The following RGS7 variants were observed in gnomAD, a reference collection of about 807,000 sequenced individuals.
RGS7 encodes the protein regulator of G protein signaling 7, also known as regulator of G-protein signaling 7.
RGS7 carries 27 observed loss-of-function variants against 81.1 expected under a neutral mutation model. That is an observed-to-expected ratio of 0.33 (90% CI 0.25 to 0.46). RGS7 has a LOEUF of 0.46. Ranked by LOEUF, RGS7 falls within the 20% of genes least tolerant of loss-of-function variation. The pLI is 1.00. For synonymous variants in RGS7, 208 were observed against 207.7 expected, an observed-to-expected ratio of 1.00 and a Z score of -0.01; for missense variants, 396 against 607.4, an observed-to-expected ratio of 0.65 and a Z score of 3.66.
At chr1:241,091,594 T>TAAAA (rs554243570) in intron 3 of RGS7, among the ~76,000 whole-genome samples, 253 of 135,478 alleles carry the variant, frequency 1.9e-3, no homozygotes, top group Middle Eastern at 3.7e-3. Context: ...AATAAATAAA[T>TAAAA]AAAAAAGCTG....
intron 2 of RGS7, among the ~76,000 whole-genome samples, chr1:241,311,537 C>A (rs2080530281): frequency 6.6e-6 from 1 of 152,158 alleles, no homozygotes; most frequent in Non-Finnish European, 1.5e-5. Context: ...TTGTCTGAAG[C>A]TGGAGAGCTG....
rs549386246 is a variant in RGS7 at position 241,189,981 on chromosome 1, T to C, written c.79-91219A>G. Among the ~76,000 whole-genome samples, 375 of 152,212 alleles carry C rather than the reference T, an allele frequency of 2.5e-3. 4 individuals are homozygous for C. The highest frequency in any genetic ancestry group is 0.014 in the Admixed American group (218 of 15,294). ...AGCCGGGCGCGGTGGTGGGCACCTGTAGTCCCAGCTACTCGGGAGGCTGAG... is the reference window on the plus strand; with the variant it reads ...AGCCGGGCGCGGTGGTGGGCACCTGCAGTCCCAGCTACTCGGGAGGCTGAG... On this transcript the variant is annotated intron_variant, in intron 2 of 18. Transcript: ENST00000440928.
chr1:241,135,478 G>A (rs2067440951), intron 2 of RGS7, among the ~76,000 whole-genome samples: 1 of 152,084 alleles, frequency 6.6e-6, no homozygotes, highest in African/African-American at 2.4e-5. Context: ...ACACGGCCTC[G>A]TGTTGTCTGT....
intron 4 of RGS7, among the ~76,000 whole-genome samples, chr1:240,952,775 C>T (rs1043671127): frequency 2.0e-4 from 31 of 151,760 alleles, no homozygotes; most frequent in Non-Finnish European, 5.9e-5. Flanking sequence ...AGGAAAAAGA[C>T]CTGACTATAC....
intron 6 of RGS7, among the ~76,000 whole-genome samples, chr1:240,888,967 T>C (rs1667825097): frequency 6.6e-6 from 1 of 152,106 alleles, no homozygotes; most frequent in Non-Finnish European, 1.5e-5. Context: ...GTTTTTGTTT[T>C]GTTTTTGAGA....
chr1:241,002,342 A>T (rs2148633279), intron 3 of RGS7, among the ~76,000 whole-genome samples: 1 of 151,944 alleles, frequency 6.6e-6, no homozygotes, highest in Non-Finnish European at 1.5e-5. Context: ...AATCCCAGCT[A>T]CTTGGGAGGC....
intron 2 of RGS7, among the ~76,000 whole-genome samples, chr1:241,151,678 A>G (rs570290878): frequency 6.7e-6 from 1 of 150,156 alleles, no homozygotes; most frequent in East Asian, 2.0e-4. Context: ...TCAACCCATC[A>G]CCTGCAACAC....
chr1:240,884,827 C>A (rs368540707), intron 6 of RGS7, among the ~76,000 whole-genome samples: 38 of 152,264 alleles, frequency 2.5e-4, no homozygotes, highest in African/African-American at 8.7e-4. Flanking sequence ...GCAATACCAT[C>A]CTGGACACAG....
In RGS7 at chr1:241,295,176, C is replaced by G. The variant is rs11576577; in HGVS notation, c.78+60523G>C. The stretch of plus-strand genomic sequence containing the variant: ...AAATAGATATGTTTGCGGCCGGGTG[C>G]GGTGGCTCACGCCTGTAATCCCAGC... On this transcript the variant is annotated intron_variant, in intron 2 of 18. Transcript: ENST00000440928. 4.2e-4 allele frequency among the ~76,000 whole-genome samples: 64 copies of G among 152,072 alleles called. No individual in the cohort carries two copies. The South Asian group carries it at 0.013, about 31-fold the overall frequency.
At chr1:240,826,055 T>A (rs890456692) in intron 10 of RGS7, among the ~76,000 whole-genome samples, 5 of 152,186 alleles carry the variant, frequency 3.3e-5, no homozygotes, top group African/African-American at 1.2e-4. Context: ...CTTGGTGCCC[T>A]CAGGATGTGC....
At chr1:240,967,331 A>C (rs1682471588) in intron 4 of RGS7, among the ~76,000 whole-genome samples, 1 of 152,200 alleles carries the variant, frequency 6.6e-6, no homozygotes, top group South Asian at 2.1e-4. Context: ...CTGAGACATG[A>C]GAAGAGCCTC....
intron 9 of RGS7, among the ~76,000 whole-genome samples, chr1:240,827,864 C>CAAAAAAAA (rs57562408): frequency 1.3e-4 from 7 of 52,848 alleles, no homozygotes; most frequent in East Asian, 7.9e-4. Context: ...AACTCCATTG[C>CAAAAAAAA]AAAAAAAAAA....
At chr1:241,355,285 G>A (rs889235023) in intron 2 of RGS7, among the ~76,000 whole-genome samples, 6 of 152,150 alleles carry the variant, frequency 3.9e-5, no homozygotes, top group Non-Finnish European at 8.8e-5. Flanking sequence ...CCACAAAATT[G>A]CAAAGTGGTC....
rs767337211 is a variant in RGS7 at position 240,776,070 on chromosome 1, C to A, written c.*150G>T. On this transcript the variant is annotated 3_prime_UTR_variant, in exon 19 of 19. Transcript: ENST00000440928. ...TTTAGGTCCTTTGCTCATGCAACAT[C>A]TTGTTCTAATGTCCTCTGCTCCAGG... 80 of 967,310 alleles carry A rather than the reference C, an allele frequency of 8.3e-5. No individual in the cohort carries two copies. Among genetic ancestry groups the A allele is most frequent in the Non-Finnish European group, 1.3e-4 (76 of 590,140 alleles). The allele number at this position is 967,310 out of a possible 1,614,324, so 59.9% of individuals were successfully genotyped here.
At chr1:241,058,075 A>C (rs932066421) in intron 3 of RGS7, among the ~76,000 whole-genome samples, 12 of 152,104 alleles carry the variant, frequency 7.9e-5, no homozygotes, top group African/African-American at 1.2e-4. Context: ...AGCACCAGGA[A>C]AGGCAGGTTC....
intron 18 of RGS7, among the ~76,000 whole-genome samples, chr1:240,793,759 G>A (rs541624640): frequency 8.9e-4 from 134 of 151,220 alleles, no homozygotes; most frequent in Non-Finnish European, 1.6e-3. Context: ...ACAGGTGTCC[G>A]CCACCATGGC....
intron 3 of RGS7, among the ~76,000 whole-genome samples, chr1:241,004,673 T>C (rs2058590650): frequency 6.6e-6 from 1 of 151,854 alleles, no homozygotes; most frequent in African/African-American, 2.4e-5. Flanking sequence ...CTAATGCTAC[T>C]AGACTGAGTG....
At chr1:240,959,133 T>C (rs1417392888) in intron 4 of RGS7, among the ~76,000 whole-genome samples, 1 of 152,256 alleles carries the variant, frequency 6.6e-6, no homozygotes, top group Admixed American at 6.5e-5. Context: ...GCTTTGATAC[T>C]GGATATGACT....
At chr1:241,145,013 C>T (rs1019233028) in intron 2 of RGS7, among the ~76,000 whole-genome samples, 6 of 148,434 alleles carry the variant, frequency 4.0e-5, no homozygotes, top group Non-Finnish European at 7.4e-5. Context: ...CCTTGGGTGT[C>T]GATGAAACTT....
Sources: allele counts gnomAD v4.1 joint callset (sites outside exome capture counted in the v4.1 genomes callset), GRCh38; gene constraint gnomAD v4.1.1; transcripts MANE v1.5; gene names NCBI Gene and HGNC (gene_info 2026-07-23, HGNC 2026-07-21).